Variants in HOOK3 observed in about 807,000 individuals in gnomAD.
The protein encoded by HOOK3 is protein Hook homolog 3.
A neutral mutation model predicts 116.3 loss-of-function variants in HOOK3; 24 were observed. The observed-to-expected ratio is 0.21, with a 90% confidence interval of 0.15 to 0.29. The LOEUF is 0.29. Among genes scored for constraint, HOOK3 ranks in the 10% least tolerant of loss-of-function variants. The probability of loss-of-function intolerance (pLI) is 1.00; values close to 1 mark genes in which losing one functional copy is unlikely to be tolerated. For synonymous variants in HOOK3, 275 were observed against 283.0 expected (o/e 0.97, Z 0.28); for missense variants, 632 against 830.2 (o/e 0.76, Z 2.93).
intron 21 of HOOK3, among the ~76,000 whole-genome samples, chr8:43,014,105 G>A (rs941338019): frequency 4.0e-5 from 6 of 151,884 alleles, no homozygotes; most frequent in Non-Finnish European, 1.5e-5. Context: ...GGACAACGTG[G>A]TGAAACCCTG....
At chr8:42,960,568 A>T (rs1563301658) in intron 8 of HOOK3, among the ~76,000 whole-genome samples, 1 of 152,346 alleles carries the variant, frequency 6.6e-6, no homozygotes, top group Middle Eastern at 3.4e-3. Context: ...GTAAAACAGG[A>T]GTGATGAAGG....
chr8:42,925,742 A>G lies in HOOK3; in HGVS notation c.216+113A>G, dbSNP rs980020247. 9.2e-6 allele frequency: 6 copies of G among 654,260 alleles called. No homozygotes were observed. In the Admixed American group the frequency reaches 9.2e-5, roughly 10 times the overall value. The allele number at this position is 654,260 out of a possible 1,614,324, so 40.5% of individuals were successfully genotyped here. A position where few individuals can be genotyped will look rare whatever the true frequency, so the allele number is the denominator to read the frequency against. ...GCTTTAGAAGCTTAGGTAGCCTGTA[A>G]TGAAATAATGTAGAATTGAAGATTG... On this transcript the variant is annotated intron_variant, in intron 3 of 21. Transcript: ENST00000307602.
At chr8:42,916,233 A>G (rs1479408843) in intron 2 of HOOK3, among the ~76,000 whole-genome samples, 4 of 152,216 alleles carry the variant, frequency 2.6e-5, no homozygotes, top group Non-Finnish European at 4.4e-5. Flanking sequence ...TGTCCAGAAA[A>G]TATTTGTTGA....
chr8:43,020,085 A>G lies in HOOK3; in HGVS notation c.*1587A>G, dbSNP rs557494711. On this transcript the variant is annotated 3_prime_UTR_variant, in exon 22 of 22. Coordinates refer to ENST00000307602, the MANE Select transcript of HOOK3 (RefSeq NM_032410.4). ...TCTTTCTTTCTTTTTAATAAGAAAG[A>G]TGACCTAAAAATCAGTGGTATTTGT... is the stretch of plus-strand genomic sequence containing the variant. 9 of 198,168 alleles carry G rather than the reference A, an allele frequency of 4.5e-5. No individual in the cohort carries two copies. Among genetic ancestry groups the G allele is most frequent in the Non-Finnish European group, 8.3e-5 (8 of 95,924 alleles). The allele number at this position is 198,168 out of a possible 1,614,324, so 12.3% of individuals were successfully genotyped here.
chr8:42,904,400 C>A (rs1640174350), intron 1 of HOOK3, among the ~76,000 whole-genome samples: 1 of 151,376 alleles, frequency 6.6e-6, no homozygotes, highest in African/African-American at 2.4e-5. Context: ...ACCTCCGCCT[C>A]CCGGGTTCAA....
chr8:42,927,471 G>T (rs1380657676), intron 3 of HOOK3, among the ~76,000 whole-genome samples: 1 of 152,062 alleles, frequency 6.6e-6, no homozygotes, highest in African/African-American at 2.4e-5. Context: ...GGCTAGGCTG[G>T]TCTTGAACTC....
At chr8:42,939,383 GCCGGGCGGGGGGCTGA>G (rs991043199) in intron 4 of HOOK3, among the ~76,000 whole-genome samples, 2 of 148,690 alleles carry the variant, frequency 1.3e-5, no homozygotes, top group African/African-American at 5.0e-5. Flanking sequence ...GGGGCGGCTG[GCCGGGCGGGGGGCTGA>G]CCCCCCTACC....
rs530344610 is a variant in HOOK3 at position 43,002,037 on chromosome 8, T to C, written c.1621-70T>C. 2.3e-4 allele frequency: 250 copies of C among 1,079,186 alleles called. No individual in the cohort carries two copies. In the Middle Eastern group the frequency reaches 2.5e-3, roughly 11 times the overall value. The allele number at this position is 1,079,186 out of a possible 1,614,324, so 66.9% of individuals were successfully genotyped here. ...CTCAAAATTAATGACTATTGTACTT[T>C]TAACTTAAAAGAAAATACTATTTTA... On this transcript the variant is annotated intron_variant, in intron 16 of 21. Transcript: ENST00000307602.
At position 42,973,322 on chromosome 8, in the gene HOOK3, T is replaced by C. The variant is rs749261140; in HGVS notation, c.1156T>C (p.Ser386Pro). The C allele has an allele frequency of 6.2e-7, 1 of 1,612,118 alleles. No homozygotes were observed. Among genetic ancestry groups the C allele is most frequent in the Non-Finnish European group, 8.5e-7 (1 of 1,179,322 alleles). Residue 386 changes from serine to proline, a missense_variant, in exon 12 of 22, where the codon TCA becomes CCA. Transcript: ENST00000307602. ...VELQNRLSEE[S>P]KKADKLDFEY... ...ACTACAAAACAGATTATCCGAAGAA[T>C]CAAAGAAAGCAGATAAACTAGATTT... is the stretch of plus-strand genomic sequence containing the variant.
intron 13 of HOOK3, among the ~76,000 whole-genome samples, chr8:42,975,736 C>T (rs34812675): frequency 6.6e-6 from 1 of 152,210 alleles, no homozygotes; most frequent in South Asian, 2.1e-4. Context: ...GACGGAGTCT[C>T]GCTCTGTCAC....
At chr8:43,013,486 T>C in intron 21 of HOOK3, 86 bp downstream of exon 21, 2 of 1,114,764 alleles carry the variant, frequency 1.8e-6, no homozygotes. Flanking sequence ...GAAGTCACTC[T>C]ACCAAATGAA....
intron 3 of HOOK3, among the ~76,000 whole-genome samples, chr8:42,928,082 C>G (rs1807803190): frequency 1.3e-5 from 2 of 152,224 alleles, no homozygotes; most frequent in South Asian, 4.1e-4. Flanking sequence ...GAGATCGAGA[C>G]CATCCTGGCC....
rs1807642329 is a variant in HOOK3, at chr8:42,920,786, G to A, written c.144-4771G>A. On this transcript the variant is annotated intron_variant, in intron 2 of 21. Transcript: ENST00000307602. Reference sequence around the variant, plus strand: ...CTTGGGAAAATTACTTAATTTCTGAGTCTGATGTTCCTTAACTATAACATA... The same window carrying A: ...CTTGGGAAAATTACTTAATTTCTGAATCTGATGTTCCTTAACTATAACATA... Among the ~76,000 whole-genome samples the A allele has an allele frequency of 2.0e-5, 3 of 152,304 alleles. 1 individual carries two copies. In the South Asian group the frequency reaches 6.2e-4, roughly 32 times the overall value.
At chr8:42,997,215 T>C (rs1407687905) in intron 15 of HOOK3, among the ~76,000 whole-genome samples, 1 of 152,230 alleles carries the variant, frequency 6.6e-6, no homozygotes, top group African/African-American at 2.4e-5. Flanking sequence ...CAGAGATCTT[T>C]TAATACTAGT....
Position 42,968,037 on chromosome 8 carries a change from A to G in HOOK3, c.945A>G (p.Lys315=), listed in dbSNP as rs888759539. 20 of 1,591,556 alleles carry G rather than the reference A, an allele frequency of 1.3e-5. No homozygotes were observed. In the Admixed American group the frequency reaches 2.7e-4, roughly 21 times the overall value. The change falls in exon 11 of 22, where the codon AAA becomes AAG. Residue 315 remains lysine (K), a synonymous_variant. Coordinates refer to ENST00000307602, the MANE Select transcript of HOOK3 (RefSeq NM_032410.4). ...VLRHSSDKVS[K]LEGQVESYKK... ...GACATTCTTCTGATAAAGTATCTAA[A>G]CTAGAAGGTCAAGTAGAATCTTATA...
intron 4 of HOOK3, among the ~76,000 whole-genome samples, chr8:42,937,122 G>A (rs1807986108): frequency 1.3e-5 from 2 of 152,124 alleles, no homozygotes; most frequent in Admixed American, 1.3e-4. Flanking sequence ...TTTAGAGGAT[G>A]TATGTGTCTA....
At chr8:43,018,281 T>C in intron 21 of HOOK3, 77 bp from the exon 22 acceptor site, 1 of 1,351,712 alleles carries the variant, frequency 7.4e-7, no homozygotes, top group Non-Finnish European at 1.0e-6. Context: ...TAACAAATTC[T>C]GCATGATGAA....
intron 2 of HOOK3, among the ~76,000 whole-genome samples, chr8:42,922,500 T>G (rs933419961): frequency 2.0e-4 from 30 of 152,002 alleles, no homozygotes; most frequent in African/African-American, 7.0e-4. Flanking sequence ...AAGGTTATAG[T>G]GAACTGTGAT....
chr8:43,006,052 G>T (rs1253442422), intron 17 of HOOK3, among the ~76,000 whole-genome samples: 1 of 146,160 alleles, frequency 6.8e-6, no homozygotes, highest in African/African-American at 2.5e-5. Flanking sequence ...ATGGAGTCTC[G>T]CTCTGTCGCC....
Sources: gnomAD v4.1 joint callset for allele counts (sites outside exome capture counted in the v4.1 genomes callset) on GRCh38, gnomAD v4.1.1 for gene constraint, MANE v1.5 for transcripts, NCBI Gene and HGNC (gene_info 2026-07-23, HGNC 2026-07-21) for gene names.